Variants in MYH15 observed in about 807,000 individuals in gnomAD.
MYH15 encodes the protein myosin heavy chain 15.
Under a neutral mutation model 240.5 loss-of-function variants are expected in MYH15, and 227 were observed. The ratio of observed to expected loss-of-function variants is 0.94; its 90% CI spans 0.85 to 1.05. The LOEUF is 1.05. Ranked by LOEUF, MYH15 falls within the 50% of genes least tolerant of loss-of-function variation. MYH15 has a pLI of 0.00. For missense variants in MYH15, 2,217 were observed against 2,247.5 expected, an observed-to-expected ratio of 0.99 and a Z score of 0.27; for synonymous variants, 785 against 796.7, an observed-to-expected ratio of 0.99 and a Z score of 0.25.
chr3:108,446,359 G>A (rs549392379), intron 21 of MYH15, among the ~76,000 whole-genome samples: 223 of 152,256 alleles, frequency 1.5e-3, no homozygotes, highest in Middle Eastern at 3.4e-3. Flanking sequence ...ACTACCACCA[G>A]GCCATCATGC....
the MYH15 span, among the ~76,000 whole-genome samples, chr3:108,541,849 T>C: frequency 6.6e-6 from 1 of 152,184 alleles, no homozygotes; most frequent in Admixed American, 6.5e-5. Context: ...TATCATGAAA[T>C]GATTTCCTAA....
rs551415989 is a variant in MYH15, at chr3:108,394,013, C to G, written c.5259+18G>C. 1.2e-6 allele frequency: 2 copies of G among 1,613,186 alleles called. No individual in the cohort carries two copies. Among genetic ancestry groups the G allele is most frequent in the Non-Finnish European group, 1.7e-6 (2 of 1,179,866 alleles). On this transcript the variant is annotated intron_variant, in intron 36 of 40. Coordinates refer to ENST00000693548, the MANE Select transcript of MYH15 (RefSeq NM_014981.3). The stretch of plus-strand genomic sequence containing the variant: ...GAACTCTGGGAGACAGGATTGAGTA[C>G]GTGGTCAAGGGACCCACCTCAATGG...
At chr3:108,545,677 T>G in the MYH15 span, among the ~76,000 whole-genome samples, 2 of 145,080 alleles carry the variant, frequency 1.4e-5, no homozygotes, top group Non-Finnish European at 3.0e-5. Context: ...CACTGTTCAC[T>G]GTTTCTAATA....
intron 33 of MYH15, among the ~76,000 whole-genome samples, chr3:108,401,929 G>C (rs560284072): frequency 4.0e-4 from 61 of 152,178 alleles, no homozygotes; most frequent in African/African-American, 1.4e-3. Flanking sequence ...GGGCAATATA[G>C]GAAGAAGTAC....
intron 12 of MYH15, 139 bp from the exon 13 acceptor site, chr3:108,470,986 A>G (rs2083169117): frequency 1.7e-6 from 1 of 575,690 alleles, no homozygotes; most frequent in South Asian, 4.9e-5. Flanking sequence ...TCTGCTGAAT[A>G]CAATGAGAAA....
At chr3:108,533,464 T>C (rs1036329363), upstream of MYH15, among the ~76,000 whole-genome samples, 1 of 152,202 alleles carries the variant, frequency 6.6e-6, no homozygotes, top group African/African-American at 2.4e-5. Flanking sequence ...CTGATAATTT[T>C]TGATGATCAA....
At chr3:108,398,492 A>G in intron 35 of MYH15, 145 bp downstream of exon 35, 1 of 744,118 alleles carries the variant, frequency 1.3e-6, no homozygotes, top group Non-Finnish European at 2.3e-6. Context: ...CTTGGGAACA[A>G]ATGAAGAGTA....
rs1022859846 is a variant in MYH15 at position 108,495,885 on chromosome 3, C to T, written c.619-13G>A. 2 of 1,588,242 alleles carry T rather than the reference C, an allele frequency of 1.3e-6. No homozygotes were observed. Among genetic ancestry groups the T allele is most frequent in the Non-Finnish European group, 1.7e-6 (2 of 1,162,982 alleles). On this transcript the variant is annotated splice_polypyrimidine_tract_variant and intron_variant, in intron 6 of 40. Coordinates refer to ENST00000693548, the MANE Select transcript of MYH15 (RefSeq NM_014981.3). ...CTTCTAACGCCCCCTGAGACACATG[C>T]AAGAGAAGTACAGCTGATGAAACTA...
chr3:108,506,817 G>T (rs1006877144), intron 1 of MYH15, among the ~76,000 whole-genome samples: 11 of 152,194 alleles, frequency 7.2e-5, no homozygotes, highest in African/African-American at 2.7e-4. Flanking sequence ...CAGATCACGA[G>T]GTCAGGAGTT....
chr3:108,493,284 C>CTGGGGAAGTAGT, intron 7 of MYH15, 107 bp from the exon 8 acceptor site: 1 of 645,032 alleles, frequency 1.6e-6, no homozygotes, highest in Non-Finnish European at 2.7e-6. Context: ...AGGACTACTT[C>CTGGGGAAGTAGT]CCCAGAAGTA....
At chr3:108,471,482 T>A (rs1021795392) in intron 12 of MYH15, among the ~76,000 whole-genome samples, 10 of 152,186 alleles carry the variant, frequency 6.6e-5, no homozygotes, top group African/African-American at 2.4e-4. Context: ...ACCTTACCTG[T>A]CCTGTCTTCA....
Position 108,414,344 on chromosome 3 carries a change from C to G in MYH15, c.4033G>C (p.Val1345Leu). The G allele has an allele frequency of 6.2e-7, 1 of 1,614,178 alleles. No individual in the cohort carries two copies. The highest frequency in any genetic ancestry group is 1.1e-5 in the South Asian group (1 of 91,084). Residue 1345 changes from valine to leucine, a missense_variant, in exon 30 of 41, where the codon GTC becomes CTC. By Grantham distance (32) the Val-to-Leu change is conservative (BLOSUM62 1). Transcript: ENST00000693548. ...AAGGTCCGGTGCAGCTCAGCCTTGA[C>G]CTCTTGTTCTTCCTCATACTGCTCT... ...LREQYEEEQE[V>L]KAELHRTLSK...
chr3:108,529,177 A>G (rs965638505), intron 1 of MYH15: 1 of 1,308,816 alleles, frequency 7.6e-7, no homozygotes, highest in African/African-American at 1.5e-5. Flanking sequence ...GATTAAGACC[A>G]TCAAGAATAA....
intron 1 of MYH15, among the ~76,000 whole-genome samples, chr3:108,506,574 G>C (rs763739642): frequency 3.3e-5 from 5 of 152,074 alleles, no homozygotes; most frequent in Non-Finnish European, 7.4e-5. Flanking sequence ...GATAGACAGT[G>C]ATGATGAATA....
chr3:108,437,219 G>T, intron 25 of MYH15, among the ~76,000 whole-genome samples: 2 of 144,710 alleles, frequency 1.4e-5, no homozygotes, highest in African/African-American at 5.1e-5. Context: ...TATGCCATTG[G>T]TCTCGTCATG....
intron 11 of MYH15, among the ~76,000 whole-genome samples, chr3:108,479,267 T>C (rs2083246278): frequency 6.6e-6 from 1 of 152,196 alleles, no homozygotes; most frequent in African/African-American, 2.4e-5. Flanking sequence ...ACCTTGTGAA[T>C]GAACCCATGG....
intron 11 of MYH15, among the ~76,000 whole-genome samples, chr3:108,484,412 T>C (rs1476752351): frequency 6.6e-6 from 1 of 152,200 alleles, no homozygotes; most frequent in Non-Finnish European, 1.5e-5. Context: ...CCAAGGGCCT[T>C]AGTTCACATC....
In MYH15 at chr3:108,423,523, G is replaced by T. The variant is rs79096435; in HGVS notation, c.3703-2309C>A. ...ACTCTCCACTCCTAACTAGAAGAAAGCTATAGTAGTGATCAATGTGACAAT... is the reference window on the plus strand; with the variant it reads ...ACTCTCCACTCCTAACTAGAAGAAATCTATAGTAGTGATCAATGTGACAAT... On this transcript the variant is annotated intron_variant, in intron 27 of 40. Coordinates refer to ENST00000693548, the MANE Select transcript of MYH15 (RefSeq NM_014981.3). 9.3e-3 allele frequency among the ~76,000 whole-genome samples: 1,416 copies of T among 152,300 alleles called. 17 individuals carry two copies. Among genetic ancestry groups the T allele is most frequent in the African/African-American group, 0.028 (1,148 of 41,560 alleles).
intron 35 of MYH15, among the ~76,000 whole-genome samples, chr3:108,397,387 C>T (rs1264212538): frequency 6.6e-6 from 1 of 152,224 alleles, no homozygotes; most frequent in African/African-American, 2.4e-5. Context: ...TCTTACATGT[C>T]CTTCATGACT....
Sources: gnomAD v4.1 joint callset for allele counts (sites outside exome capture counted in the v4.1 genomes callset) on GRCh38, gnomAD v4.1.1 for gene constraint, MANE v1.5 for transcripts, NCBI Gene and HGNC (gene_info 2026-07-23, HGNC 2026-07-21) for gene names.